Variants in STPG2 observed in about 807,000 individuals in gnomAD.
STPG2 encodes the protein sperm tail PG-rich repeat containing 2.
STPG2 carries 56 observed loss-of-function variants against 54.2 expected under a neutral mutation model. That is an observed-to-expected ratio of 1.03 (90% confidence interval 0.83 to 1.29). The LOEUF (loss-of-function observed/expected upper bound fraction) is 1.29, where lower values mean the gene tolerates loss of function less well. Among genes scored for constraint, STPG2 ranks in the 50% most tolerant of loss-of-function variants. The pLI, the probability that STPG2 is intolerant of heterozygous loss-of-function variation, is 0.00. For missense variants in STPG2, 596 were observed against 544.9 expected, an observed-to-expected ratio of 1.09 and a Z score of -0.93; for synonymous variants, 200 against 181.8, an observed-to-expected ratio of 1.10 and a Z score of -0.81.
intron 7 of STPG2, among the ~76,000 whole-genome samples, chr4:97,964,999 G>C (rs1286693921): frequency 6.6e-6 from 1 of 152,172 alleles, no homozygotes; most frequent in Non-Finnish European, 1.5e-5. Flanking sequence ...TGGACAGTGG[G>C]TGCAGCCCAC....
At chr4:97,974,942 A>G (rs1275876319) in intron 6 of STPG2, among the ~76,000 whole-genome samples, 1 of 152,224 alleles carries the variant, frequency 6.6e-6, no homozygotes, top group Non-Finnish European at 1.5e-5. Context: ...AAAATGTGCT[A>G]CACCCAAACC....
At chr4:97,545,643 G>A (rs918380151) in intron 4 of STPG2, among the ~76,000 whole-genome samples, 12 of 151,906 alleles carry the variant, frequency 7.9e-5, no homozygotes, top group African/African-American at 2.4e-4. Flanking sequence ...CAATACTTTC[G>A]TTAATGATCT....
intron 9 of STPG2, among the ~76,000 whole-genome samples, chr4:97,766,790 C>A (rs952288940): frequency 3.3e-5 from 5 of 151,984 alleles, no homozygotes; most frequent in Admixed American, 6.6e-5. Flanking sequence ...AATTAACATA[C>A]AAACTGTGGC....
chr4:97,526,742 T>C (rs1203888585), intron 4 of STPG2, among the ~76,000 whole-genome samples: 1 of 152,126 alleles, frequency 6.6e-6, no homozygotes, highest in African/African-American at 2.4e-5. Context: ...AGTCATGAAG[T>C]CTTTGCCCAT....
At chr4:98,039,698 A>ATATCTATATATATC (rs757439122) in intron 5 of STPG2, among the ~76,000 whole-genome samples, 13 of 150,628 alleles carry the variant, frequency 8.6e-5, no homozygotes, top group African/African-American at 2.9e-4. Context: ...ATATATATAT[A>ATATCTATATATATC]TCTCACATTT....
intron 3 of STPG2, among the ~76,000 whole-genome samples, chr4:98,113,745 C>T (rs562892505): frequency 1.3e-5 from 2 of 152,064 alleles, no homozygotes; most frequent in East Asian, 1.9e-4. Flanking sequence ...AGCCCAGCCC[C>T]TTGTCATGTC....
intron 9 of STPG2, among the ~76,000 whole-genome samples, chr4:97,795,220 A>C (rs960149402): frequency 8.5e-5 from 13 of 152,096 alleles, no homozygotes; most frequent in Non-Finnish European, 1.8e-4. Flanking sequence ...ATTATACTTT[A>C]AGTTCTATGG....
At chr4:97,489,000 A>C (rs1730439392) in intron 4 of STPG2, among the ~76,000 whole-genome samples, 1 of 151,702 alleles carries the variant, frequency 6.6e-6, no homozygotes, top group African/African-American at 2.4e-5. Flanking sequence ...CCCACAGTTC[A>C]TGGGAAGAAC....
rs187154055 is a variant in STPG2, at chr4:98,052,101, A to G, written c.612+53852T>C. Among the ~76,000 whole-genome samples, 645 of 151,446 alleles carry G rather than the reference A, an allele frequency of 4.3e-3. 7 individuals are homozygous for G. The highest frequency in any genetic ancestry group is 0.014 in the African/African-American group (597 of 41,226). ...AAACTCTGTCTCAAAAAAAAAAAAA[A>G]AAAGAAACAAATTCACATTCAACTA... On this transcript the variant is annotated intron_variant, in intron 5 of 10. Coordinates refer to ENST00000295268, the MANE Select transcript of STPG2 (RefSeq NM_174952.3).
chr4:97,490,658 T>C (rs190571425), intron 4 of STPG2, among the ~76,000 whole-genome samples: 1 of 151,746 alleles, frequency 6.6e-6, no homozygotes, highest in Admixed American at 6.6e-5. Flanking sequence ...TAAAGTACTG[T>C]CTGCATGTAT....
intron 8 of STPG2, among the ~76,000 whole-genome samples, chr4:97,884,273 C>T (rs1013326384): frequency 1.3e-5 from 2 of 152,106 alleles, no homozygotes; most frequent in African/African-American, 4.8e-5. Flanking sequence ...CGTGTCTTCC[C>T]AAAATTTTTA....
intron 10 of STPG2, among the ~76,000 whole-genome samples, chr4:97,659,687 T>A (rs959073502): frequency 6.6e-6 from 1 of 152,254 alleles, no homozygotes; most frequent in Non-Finnish European, 1.5e-5. Flanking sequence ...AGTTCAGTGA[T>A]ATAATAATGA....
In STPG2 at chr4:97,846,515, C is replaced by T. The variant is rs536875342; in HGVS notation, c.1045-5583G>A. On this transcript the variant is annotated intron_variant, in intron 8 of 10. Coordinates refer to ENST00000295268, the MANE Select transcript of STPG2 (RefSeq NM_174952.3). ...TGGCATGTGCCTGTAATCCCAGCTA[C>T]TCAGGAGGCTGAGGCAGGAGAATCG... Among the ~76,000 whole-genome samples, 6 of 151,202 alleles carry T rather than the reference C, an allele frequency of 4.0e-5. No individual in the cohort carries two copies. The East Asian group carries it at 9.8e-4, about 25-fold the overall frequency.
At chr4:98,074,406 G>T (rs779025811) in intron 5 of STPG2, among the ~76,000 whole-genome samples, 12 of 152,072 alleles carry the variant, frequency 7.9e-5, no homozygotes, top group Non-Finnish European at 1.0e-4. Context: ...CCTTCATGGG[G>T]TTTATTTTGT....
intron 5 of STPG2, among the ~76,000 whole-genome samples, chr4:98,097,475 C>A (rs1738894277): frequency 1.3e-5 from 2 of 152,120 alleles, no homozygotes; most frequent in African/African-American, 4.8e-5. Context: ...AAGGAACATA[C>A]CTCAACATAG....
intron 4 of STPG2, among the ~76,000 whole-genome samples, chr4:98,106,892 A>G (rs929339916): frequency 2.0e-5 from 3 of 152,164 alleles, no homozygotes; most frequent in African/African-American, 7.2e-5. Context: ...TTGTAAAGAT[A>G]ATTTCAAAAA....
intron 8 of STPG2, among the ~76,000 whole-genome samples, chr4:97,911,470 T>C (rs1337978039): frequency 6.6e-6 from 1 of 152,046 alleles, no homozygotes; most frequent in African/African-American, 2.4e-5. Context: ...AGCTGCCATC[T>C]CTGCAGCTGG....
At chr4:97,712,653 T>C (rs770660107) in intron 10 of STPG2, 46 bp downstream of exon 10, 4 of 1,322,440 alleles carry the variant, frequency 3.0e-6, no homozygotes, top group Non-Finnish European at 4.1e-6. Context: ...TTTCTGGAAA[T>C]TAATTCTATT....
chr4:97,962,328 C>A (rs1733921816), intron 7 of STPG2, among the ~76,000 whole-genome samples: 1 of 152,060 alleles, frequency 6.6e-6, no homozygotes, highest in Non-Finnish European at 1.5e-5. Flanking sequence ...TGTGACCAAA[C>A]ACTACCTAGT....
Sources: gnomAD v4.1 joint callset for allele counts (sites outside exome capture counted in the v4.1 genomes callset) on GRCh38, gnomAD v4.1.1 for gene constraint, MANE v1.5 for transcripts, NCBI Gene and HGNC (gene_info 2026-07-23, HGNC 2026-07-21) for gene names.